OTUD7A: variants seen among roughly 807,000 people sequenced by gnomAD.
The protein encoded by OTUD7A is OTU domain-containing protein 7A.
In OTUD7A, 12 loss-of-function variants were observed where a neutral mutation model predicts 65.7. That is an observed-to-expected ratio of 0.18 (90% CI 0.12 to 0.30). OTUD7A has a LOEUF of 0.30. Among genes scored for constraint, OTUD7A ranks in the 10% least tolerant of loss-of-function variants. The pLI is 1.00. For missense variants in OTUD7A, 1,148 were observed against 1,304.8 expected (o/e 0.88, Z 1.85); for synonymous variants, 641 against 586.3 (o/e 1.09, Z -1.35).
chr15:31,515,622 C>T (rs1201034944), intron 8 of OTUD7A, among the ~76,000 whole-genome samples: 1 of 135,878 alleles, frequency 7.4e-6, no homozygotes, highest in African/African-American at 2.7e-5. Flanking sequence ...ACCCACCCAC[C>T]CATCTCTCTT....
chr15:31,634,848 C>T (rs1891291869), intron 3 of OTUD7A, among the ~76,000 whole-genome samples: 1 of 152,212 alleles, frequency 6.6e-6, no homozygotes, highest in African/African-American at 2.4e-5. Context: ...TGACTGAAAC[C>T]TTTAACCAAA....
chr15:31,831,136 C>CA (rs1196606018), intron 1 of OTUD7A, among the ~76,000 whole-genome samples: 1 of 152,190 alleles, frequency 6.6e-6, no homozygotes, highest in Non-Finnish European at 1.5e-5. Context: ...ATCCCTACCT[C>CA]ACACTATACA....
At chr15:31,518,936 G>A (rs1447202729) in intron 8 of OTUD7A, among the ~76,000 whole-genome samples, 1 of 152,278 alleles carries the variant, frequency 6.6e-6, no homozygotes, top group Non-Finnish European at 1.5e-5. Flanking sequence ...CTGGGAAGCT[G>A]AGATGGAAGG....
At chr15:31,559,607 C>T (rs1289932523) in intron 4 of OTUD7A, among the ~76,000 whole-genome samples, 1 of 152,162 alleles carries the variant, frequency 6.6e-6, no homozygotes, top group Non-Finnish European at 1.5e-5. Context: ...TACATGTGCA[C>T]ACACTACATA....
At chr15:31,701,405 AT>A (rs60381806) in intron 1 of OTUD7A, among the ~76,000 whole-genome samples, 6,872 of 151,474 alleles carry the variant, frequency 0.045, 301 homozygotes, top group African/African-American at 0.12. Flanking sequence ...AGTTATTATA[AT>A]TTAAAAATAT....
intron 1 of OTUD7A, among the ~76,000 whole-genome samples, chr15:31,825,840 A>G (rs1896784275): frequency 6.6e-6 from 1 of 152,264 alleles, no homozygotes; most frequent in Non-Finnish European, 1.5e-5. Flanking sequence ...AAGGGGCTAC[A>G]GGCCCCATGC....
At chr15:31,505,895 G>A (rs1037732957) in intron 8 of OTUD7A, among the ~76,000 whole-genome samples, 4 of 151,720 alleles carry the variant, frequency 2.6e-5, no homozygotes, top group South Asian at 2.1e-4. Context: ...GACTACAGGC[G>A]CCCGCCACCA....
At chr15:31,536,891 A>T (rs974334855) in intron 5 of OTUD7A, among the ~76,000 whole-genome samples, 2 of 152,240 alleles carry the variant, frequency 1.3e-5, no homozygotes, top group Admixed American at 6.5e-5. Flanking sequence ...ACACACATAC[A>T]GTAAGATGGA....
chr15:31,846,304 C>T (rs183937384), intron 1 of OTUD7A, among the ~76,000 whole-genome samples: 1 of 152,212 alleles, frequency 6.6e-6, no homozygotes. Flanking sequence ...GCCTGTGGCC[C>T]AAACTGTCTT....
intron 1 of OTUD7A, among the ~76,000 whole-genome samples, chr15:31,714,653 GC>G (rs1254631142): frequency 6.6e-6 from 1 of 152,206 alleles, no homozygotes; most frequent in African/African-American, 2.4e-5. Context: ...TAATAAATAA[GC>G]TTGTGAAGGA....
rs527754216 is a variant in OTUD7A, at chr15:31,777,600, G to A, written c.-100+92907C>T. On this transcript the variant is annotated intron_variant, in intron 1 of 12. Transcript: ENST00000307050. ...CCAGCACAGAGCAGGCAGTGTGTGT[G>A]GAGTGCAGTGTAGAGGCTGGGGTGC... 9.8e-5 allele frequency among the ~76,000 whole-genome samples: 15 copies of A among 152,290 alleles called. No homozygotes were observed. In the South Asian group the frequency reaches 3.1e-3, roughly 32 times the overall value.
intron 1 of OTUD7A, among the ~76,000 whole-genome samples, chr15:31,690,359 A>G (rs2141316977): frequency 6.6e-6 from 1 of 152,130 alleles, no homozygotes; most frequent in East Asian, 1.9e-4. Context: ...TAATTTTACT[A>G]GAAGGCTTGA....
intron 5 of OTUD7A, among the ~76,000 whole-genome samples, chr15:31,539,216 T>C (rs982942293): frequency 6.6e-6 from 1 of 152,156 alleles, no homozygotes; most frequent in Admixed American, 6.5e-5. Context: ...CCCCAATTCC[T>C]TTCCCTTGAG....
intron 1 of OTUD7A, among the ~76,000 whole-genome samples, chr15:31,689,686 C>T (rs1034246009): frequency 1.6e-4 from 24 of 152,148 alleles, no homozygotes; most frequent in Admixed American, 3.9e-4. Flanking sequence ...ACACACGATC[C>T]CACCCTTTAA....
At chr15:31,666,033 T>C (rs1002578100) in intron 1 of OTUD7A, among the ~76,000 whole-genome samples, 1 of 152,070 alleles carries the variant, frequency 6.6e-6, no homozygotes, top group African/African-American at 2.4e-5. Flanking sequence ...ATTTTTTTTT[T>C]TGATATTTTG....
intron 1 of OTUD7A, among the ~76,000 whole-genome samples, chr15:31,667,789 T>C (rs1397945889): frequency 6.6e-6 from 1 of 152,182 alleles, no homozygotes; most frequent in African/African-American, 2.4e-5. Context: ...GATATGTTTC[T>C]AGGATTTGTT....
At chr15:31,601,489 G>A (rs1186304367) in intron 3 of OTUD7A, among the ~76,000 whole-genome samples, 2 of 152,102 alleles carry the variant, frequency 1.3e-5, no homozygotes, top group Non-Finnish European at 2.9e-5. Flanking sequence ...AGCACTAAAT[G>A]CCCACAAGAG....
chr15:31,555,089 G>A (rs918613696), intron 5 of OTUD7A, among the ~76,000 whole-genome samples: 3 of 152,166 alleles, frequency 2.0e-5, no homozygotes, highest in African/African-American at 7.2e-5. Flanking sequence ...TGTGGCTCGG[G>A]AGGCCAGGCA....
At position 31,570,869 on chromosome 15, in the gene OTUD7A, G is replaced by C. The variant is rs376847613; in HGVS notation, c.152-672C>G. On this transcript the variant is annotated intron_variant, in intron 3 of 12. Transcript: ENST00000307050. ...TACACTGGGGAGTTGGAGGCAGCGT[G>C]GGCACTCTGATTCCCGACTCTGAGA... Among the ~76,000 whole-genome samples, 25 of 152,272 alleles carry C rather than the reference G, an allele frequency of 1.6e-4. No individual in the cohort carries two copies. In the East Asian group the frequency reaches 4.6e-3, roughly 28 times the overall value.
Sources: allele counts gnomAD v4.1 joint callset (sites outside exome capture counted in the v4.1 genomes callset), GRCh38; gene constraint gnomAD v4.1.1; transcripts MANE v1.5; gene names NCBI Gene and HGNC (gene_info 2026-07-23, HGNC 2026-07-21).